The following PRRC2C variants were observed in gnomAD, a reference collection of about 807,000 sequenced individuals.
PRRC2C encodes the protein protein PRRC2C.
Under a neutral mutation model 317.2 loss-of-function variants are expected in PRRC2C, and 72 were observed. That is an observed-to-expected ratio of 0.23 (90% CI 0.19 to 0.28). The LOEUF (loss-of-function observed/expected upper bound fraction) is 0.28. Among genes scored for constraint, PRRC2C ranks in the 10% least tolerant of loss-of-function variants. The pLI, the probability that PRRC2C is intolerant of heterozygous loss-of-function variation, is 1.00. For missense variants in PRRC2C, 3,074 were observed against 3,459.7 expected, an observed-to-expected ratio of 0.89 and a Z score of 2.80; for synonymous variants, 1,296 against 1,205.9, an observed-to-expected ratio of 1.07 and a Z score of -1.55.
rs765128328 is a variant in PRRC2C, at chr1:171,557,487, T to TAGCTCCAGTTCTGGCCTCAACCTC, written c.5387_5410dup (p.Leu1796_Val1803dup). 1 of 1,550,964 alleles carries TAGCTCCAGTTCTGGCCTCAACCTC rather than the reference T, an allele frequency of 6.4e-7. No individual in the cohort carries two copies. Among genetic ancestry groups the TAGCTCCAGTTCTGGCCTCAACCTC allele is most frequent in the South Asian group, 1.2e-5 (1 of 84,038 alleles). ...TCAGCTCCGGTTCCAGCCTCAACTT[T>TAGCTCCAGTTCTGGCCTCAACCTC]AGCTCCAGTTCTGGCCTCAACCTCA... On this transcript the variant is annotated inframe_insertion, in exon 19 of 35. Transcript: ENST00000647382.
chr1:171,519,310 C>G (rs1673110032), intron 6 of PRRC2C, among the ~76,000 whole-genome samples: 1 of 152,170 alleles, frequency 6.6e-6, no homozygotes, highest in South Asian at 2.1e-4. Flanking sequence ...AAAAAGAAAA[C>G]TAATTCCTTG....
At chr1:171,537,812 C>T (rs866544980) in intron 15 of PRRC2C, among the ~76,000 whole-genome samples, 4 of 152,026 alleles carry the variant, frequency 2.6e-5, no homozygotes, top group Admixed American at 6.6e-5. Flanking sequence ...CTCAAGTGAT[C>T]GGCTTACCTC....
intron 22 of PRRC2C, among the ~76,000 whole-genome samples, 163 bp downstream of exon 22, chr1:171,567,006 AAAG>A (rs1187005138): frequency 1.3e-5 from 2 of 152,228 alleles, no homozygotes; most frequent in African/African-American, 4.8e-5. Context: ...TATGTAATCT[AAAG>A]AAGTTCTTTA....
intron 12 of PRRC2C, among the ~76,000 whole-genome samples, chr1:171,533,929 T>G (rs1480752357): frequency 6.6e-6 from 1 of 152,188 alleles, no homozygotes; most frequent in Non-Finnish European, 1.5e-5. Context: ...GCCTAAAGTT[T>G]AGTTTTAATG....
At chr1:171,486,300 T>A (rs1666088731) in intron 1 of PRRC2C, among the ~76,000 whole-genome samples, 1 of 152,018 alleles carries the variant, frequency 6.6e-6, no homozygotes, top group Admixed American at 6.6e-5. Flanking sequence ...CCAACCCTAC[T>A]TCCGCTAGGG....
At chr1:171,504,077 G>A (rs1342859169) in intron 1 of PRRC2C, among the ~76,000 whole-genome samples, 1 of 152,082 alleles carries the variant, frequency 6.6e-6, no homozygotes, top group East Asian at 1.9e-4. Context: ...ATATCACTGA[G>A]TATCTTCATA....
At chr1:171,507,818 T>G (rs2102207953) in intron 1 of PRRC2C, among the ~76,000 whole-genome samples, 1 of 152,326 alleles carries the variant, frequency 6.6e-6, no homozygotes. Flanking sequence ...TTATTTCGAT[T>G]TCTTGTATCA....
intron 1 of PRRC2C, among the ~76,000 whole-genome samples, chr1:171,507,377 G>A (rs1326412553): frequency 6.6e-6 from 1 of 152,180 alleles, no homozygotes; most frequent in South Asian, 2.1e-4. Flanking sequence ...TTGGGAGGCC[G>A]AGGACGGTGG....
At chr1:171,555,924 C>G (rs917784112) in intron 18 of PRRC2C, among the ~76,000 whole-genome samples, 5 of 152,204 alleles carry the variant, frequency 3.3e-5, no homozygotes, top group Non-Finnish European at 5.9e-5. Context: ...GCTCAAACAC[C>G]GTGCTGGGAG....
chr1:171,533,137 C>T (rs1021202171), intron 12 of PRRC2C, among the ~76,000 whole-genome samples, 176 bp downstream of exon 12: 1 of 152,148 alleles, frequency 6.6e-6, no homozygotes, highest in Non-Finnish European at 1.5e-5. Flanking sequence ...TGTATATGAA[C>T]AGACGTCTCT....
At chr1:171,591,520 C>G in intron 34 of PRRC2C, 67 bp from the exon 35 acceptor site, 1 of 1,557,946 alleles carries the variant, frequency 6.4e-7, no homozygotes, top group Non-Finnish European at 8.7e-7. Flanking sequence ...AGAATTTGAA[C>G]CAAGATTGAT....
intron 6 of PRRC2C, among the ~76,000 whole-genome samples, chr1:171,518,808 AC>A (rs1425791795): frequency 6.7e-6 from 1 of 149,912 alleles, no homozygotes; most frequent in African/African-American, 2.5e-5. Flanking sequence ...TGGCCTTTAA[AC>A]TTTTTTTAAT....
intron 1 of PRRC2C, among the ~76,000 whole-genome samples, chr1:171,505,548 T>A (rs1670018193): frequency 1.4e-5 from 2 of 139,966 alleles, no homozygotes; most frequent in South Asian, 4.2e-4. Context: ...CCAATTTGAA[T>A]TTTTTTTTGT....
chr1:171,573,931 C>T (rs1375678444), intron 24 of PRRC2C, among the ~76,000 whole-genome samples: 1 of 151,968 alleles, frequency 6.6e-6, no homozygotes, highest in Non-Finnish European at 1.5e-5. Context: ...CCTGCCTCAG[C>T]CTCTCAAAGT....
intron 27 of PRRC2C, 83 bp downstream of exon 27, chr1:171,579,549 A>G (rs1648029265): frequency 6.7e-7 from 1 of 1,481,582 alleles, no homozygotes; most frequent in East Asian, 2.4e-5. Context: ...CATAAATAAT[A>G]GACTCTGAAA....
In PRRC2C at chr1:171,592,695, TG is replaced by T. The variant is rs1651660924; in HGVS notation, c.*853del. 1.3e-5 allele frequency: 2 copies of T among 152,122 alleles called. No homozygotes were observed. Among genetic ancestry groups the T allele is most frequent in the African/African-American group, 2.4e-5 (1 of 41,434 alleles). The allele number at this position is 152,122 out of a possible 1,614,324, so 9.4% of individuals were successfully genotyped here. ...TCATCTTTGTATGAATCCCATGATT[TG>T]GGGGTTTTTTTCTTTTTTTTTTTAT... On this transcript the variant is annotated 3_prime_UTR_variant, in exon 35 of 35. Transcript: ENST00000647382.
intron 1 of PRRC2C, among the ~76,000 whole-genome samples, chr1:171,497,755 C>T (rs867236964): frequency 3.3e-5 from 5 of 152,244 alleles, no homozygotes; most frequent in Non-Finnish European, 7.4e-5. Context: ...AGGTGTAAGC[C>T]ACTGCGCGTG....
At position 171,579,984 on chromosome 1, in the gene PRRC2C, T is replaced by C. The variant is rs1183642366; in HGVS notation, c.7409+20T>C. 18 of 1,479,844 alleles carry C rather than the reference T, an allele frequency of 1.2e-5. No individual in the cohort carries two copies. In the African/African-American group the frequency reaches 1.7e-4, roughly 14 times the overall value. The allele number at this position is 1,479,844 out of a possible 1,614,324, so 91.7% of individuals were successfully genotyped here. ...ATATAGGTAAATGCTTTAAAAGTTA[T>C]GTTTGTAATGATGTTGAAAACATTG... On this transcript the variant is annotated intron_variant, in intron 28 of 34. Coordinates refer to ENST00000647382, the MANE Select transcript of PRRC2C (RefSeq NM_001387844.1).
At position 171,545,526 on chromosome 1, in the gene PRRC2C, A is replaced by G. The variant is rs766169003; in HGVS notation, c.4811A>G (p.Asn1604Ser). The G allele has an allele frequency of 5.7e-6, 9 of 1,590,552 alleles. No individual in the cohort carries two copies. The highest frequency in any genetic ancestry group is 3.4e-5 in the South Asian group (3 of 87,772). Residue 1604 changes from asparagine (N) to serine (S), a missense_variant, in exon 17 of 35, where the codon AAT becomes AGT. Physicochemically the swap from Asn to Ser is conservative, Grantham distance 46. This residue lies in a region of PRRC2C where 178 missense variants were observed against 163.0 expected (regional missense o/e 1.09). Transcript: ENST00000647382. ...PAGTTGVDLI[N>S]GSSAHHQEGV... ...GGCACAACTGGGGTTGACCTCATCAATGGCAGCTCTGCACACCATCAGGAA... is the reference window on the plus strand; with the variant it reads ...GGCACAACTGGGGTTGACCTCATCAGTGGCAGCTCTGCACACCATCAGGAA...
Sources: gnomAD v4.1 joint callset for allele counts (sites outside exome capture counted in the v4.1 genomes callset) on GRCh38, gnomAD v4.1.1 for gene constraint, gnomAD v4.1.1 regional missense constraint, MANE v1.5 for transcripts, NCBI Gene and HGNC (gene_info 2026-07-23, HGNC 2026-07-21) for gene names.